FARP1: variants seen among roughly 807,000 people sequenced by gnomAD.
The protein encoded by FARP1 is FERM, ARH/RhoGEF and pleckstrin domain protein 1.
A neutral mutation model predicts 128.8 loss-of-function variants in FARP1; 52 were observed. That is an observed-to-expected ratio of 0.40 (90% CI 0.32 to 0.51). The LOEUF is 0.51. Among genes scored for constraint, FARP1 ranks in the 20% least tolerant of loss-of-function variants. The pLI, the probability that FARP1 is intolerant of heterozygous loss-of-function variation, is 0.45. For missense variants in FARP1, 1,333 were observed against 1,367.9 expected, an observed-to-expected ratio of 0.97 and a Z score of 0.40; for synonymous variants, 580 against 551.8, an observed-to-expected ratio of 1.05 and a Z score of -0.72.
intron 1 of FARP1, among the ~76,000 whole-genome samples, chr13:98,156,548 C>T (rs1474715329): frequency 1.3e-5 from 2 of 152,118 alleles, no homozygotes; most frequent in Non-Finnish European, 2.9e-5. Context: ...GGTGGGATTA[C>T]AGGCATGAGC....
rs1892490295 is a variant in FARP1, at chr13:98,440,746, C to T, written c.2706C>T (p.Arg902=). Residue 902 remains arginine (R), a synonymous_variant, in exon 24 of 27, where the codon CGC becomes CGT. Transcript: ENST00000319562. ...DLSASRTSLE[R]QAPHRGNTMV... The stretch of plus-strand genomic sequence containing the variant: ...GCGCCTCGCGCACATCGCTGGAGCG[C>T]CAGGCCCCGCACCGCGGCAACACAA... 3.1e-6 allele frequency: 5 copies of T among 1,613,360 alleles called. No individual in the cohort carries two copies. Among genetic ancestry groups the T allele is most frequent in the Non-Finnish European group, 3.4e-6 (4 of 1,180,014 alleles).
At chr13:98,177,179 A>C in intron 1 of FARP1, 9 of 1,607,172 alleles carry the variant, frequency 5.6e-6, no homozygotes, top group Non-Finnish European at 7.6e-6. Flanking sequence ...TTGAAGAGGA[A>C]GGTGCATACC....
At chr13:98,152,271 A>G (rs1162035286) in intron 1 of FARP1, among the ~76,000 whole-genome samples, 1 of 152,238 alleles carries the variant, frequency 6.6e-6, no homozygotes, top group African/African-American at 2.4e-5. Context: ...GCCTAATGGC[A>G]GTTGCAGCTC....
At chr13:98,379,524 AG>A (rs1889808487) in intron 6 of FARP1, among the ~76,000 whole-genome samples, 1 of 151,980 alleles carries the variant, frequency 6.6e-6, no homozygotes, top group Non-Finnish European at 1.5e-5. Context: ...TGAGAATAAT[AG>A]AATCCTTTTC....
At chr13:98,393,825 G>A (rs1890406281) in intron 12 of FARP1, 107 bp downstream of exon 12, 3 of 814,390 alleles carry the variant, frequency 3.7e-6, no homozygotes, top group Middle Eastern at 2.7e-4. Context: ...TTCCTTTGGG[G>A]TTTTTAGCAG....
At position 98,430,573 on chromosome 13, in the gene FARP1, A is replaced by G. The variant is rs148790129; in HGVS notation, c.1906-470A>G. On this transcript the variant is annotated intron_variant, in intron 17 of 26. Transcript: ENST00000319562. ...CAGACCTAGCAGAGGAGGGGCTCAC[A>G]TAGCTGCTTAGCTACTGTCTGAGCA... Among the ~76,000 whole-genome samples the G allele has an allele frequency of 3.8e-3, 576 of 152,336 alleles. 3 individuals carry two copies. The highest frequency in any genetic ancestry group is 0.013 in the African/African-American group (548 of 41,598).
At chr13:98,218,501 T>C (rs1180099227) in intron 2 of FARP1, among the ~76,000 whole-genome samples, 2 of 152,194 alleles carry the variant, frequency 1.3e-5, no homozygotes, top group Non-Finnish European at 2.9e-5. Flanking sequence ...TTTGTGACTG[T>C]ATTTGTGAAT....
At chr13:98,201,394 A>C (rs1216988491) in intron 1 of FARP1, among the ~76,000 whole-genome samples, 1 of 152,224 alleles carries the variant, frequency 6.6e-6, no homozygotes, top group African/African-American at 2.4e-5. Flanking sequence ...GTGAGCAGTG[A>C]GCTGAGATCG....
At chr13:98,150,257 C>G (rs1875900093) in intron 1 of FARP1, among the ~76,000 whole-genome samples, 1 of 151,926 alleles carries the variant, frequency 6.6e-6, no homozygotes, top group African/African-American at 2.4e-5. Context: ...TCTCAAACTC[C>G]TGACCTCAAC....
intron 2 of FARP1, chr13:98,333,747 C>T (rs1023332832): frequency 2.0e-5 from 3 of 152,130 alleles, no homozygotes; most frequent in African/African-American, 7.2e-5. Flanking sequence ...GGAAGAATCG[C>T]AGCATTTGTG....
intron 2 of FARP1, among the ~76,000 whole-genome samples, chr13:98,237,066 AG>A (rs1336709975): frequency 6.6e-6 from 1 of 151,964 alleles, no homozygotes; most frequent in Non-Finnish European, 1.5e-5. Context: ...GCATTTTGGG[AG>A]GCTGAGGCAG....
At chr13:98,332,296 A>G (rs143368027) in intron 2 of FARP1, 1 of 151,110 alleles carries the variant, frequency 6.6e-6, no homozygotes, top group African/African-American at 2.4e-5. Flanking sequence ...TCTGTTGGAT[A>G]TGATTGTACT....
chr13:98,198,703 C>T (rs1382260118), intron 1 of FARP1, among the ~76,000 whole-genome samples: 1 of 151,736 alleles, frequency 6.6e-6, no homozygotes, highest in African/African-American at 2.4e-5. Flanking sequence ...ACAGTGAAAC[C>T]CTGTCTCTAC....
intron 2 of FARP1, among the ~76,000 whole-genome samples, chr13:98,330,189 A>T (rs1887441909): frequency 6.6e-6 from 1 of 152,080 alleles, no homozygotes; most frequent in Non-Finnish European, 1.5e-5. Context: ...GAGAGGAGTG[A>T]GCCAGAGGGA....
At chr13:98,433,442 A>C (rs1280111862) in intron 18 of FARP1, 1 of 152,214 alleles carries the variant, frequency 6.6e-6, no homozygotes, top group East Asian at 1.9e-4. Flanking sequence ...AAAACAAACC[A>C]TGCTGGCCAG....
intron 1 of FARP1, among the ~76,000 whole-genome samples, chr13:98,205,641 C>G (rs1880225514): frequency 6.6e-6 from 1 of 152,184 alleles, no homozygotes; most frequent in Non-Finnish European, 1.5e-5. Context: ...GATCCACCTG[C>G]CTTGGCCTCC....
In FARP1 at chr13:98,395,436, G is replaced by C. The variant is rs1209395120; in HGVS notation, c.1374G>C (p.Arg458Ser). Residue 458 changes from arginine to serine, a missense_variant, in exon 13 of 27, where the codon AGG becomes AGC. Physicochemically the swap from Arg to Ser is moderately radical, Grantham distance 110 (BLOSUM62 -1). This residue lies in a region of FARP1 where 1,009 missense variants were observed against 969.8 expected (regional missense o/e 1.04). Transcript: ENST00000319562. Reference protein sequence around the residue: ...TEEEEEVVKDRTQQSKPQPPQ... With the variant: ...TEEEEEVVKDSTQQSKPQPPQ... ...AAGAGGAGGAGGTCGTTAAGGATAG[G>C]ACCCAGCAGAGTAAACCTCAGCCCC... The C allele has an allele frequency of 6.2e-7, 1 of 1,603,146 alleles. No individual in the cohort carries two copies. Among genetic ancestry groups the C allele is most frequent in the Non-Finnish European group, 8.5e-7 (1 of 1,172,264 alleles).
At chr13:98,193,677 G>A (rs1879387629) in intron 1 of FARP1, among the ~76,000 whole-genome samples, 1 of 152,150 alleles carries the variant, frequency 6.6e-6, no homozygotes, top group Non-Finnish European at 1.5e-5. Context: ...CCTTCATCCA[G>A]CCCCAATTCC....
chr13:98,382,022 A>G (rs1346028884), intron 6 of FARP1, among the ~76,000 whole-genome samples: 2 of 151,928 alleles, frequency 1.3e-5, no homozygotes, highest in Admixed American at 1.3e-4. Context: ...CAAGAGTTCA[A>G]GACTAGCCTG....
Sources: gnomAD v4.1 joint callset for allele counts (sites outside exome capture counted in the v4.1 genomes callset) on GRCh38, gnomAD v4.1.1 for gene constraint, gnomAD v4.1.1 regional missense constraint, MANE v1.5 for transcripts, NCBI Gene and HGNC (gene_info 2026-07-23, HGNC 2026-07-21) for gene names.